The following KIAA0825 variants were observed in gnomAD, a reference collection of about 807,000 sequenced individuals.
KIAA0825 encodes the protein uncharacterized protein KIAA0825.
A neutral mutation model predicts 147.6 loss-of-function variants in KIAA0825; 119 were observed. That is an observed-to-expected ratio of 0.81 (90% CI 0.69 to 0.94). The LOEUF is 0.94. KIAA0825 is among the 40% of genes least tolerant of loss of function. KIAA0825 has a pLI of 0.00. For synonymous variants in KIAA0825, 470 were observed against 518.1 expected (o/e 0.91, Z 1.26); for missense variants, 1,381 against 1,472.7 (o/e 0.94, Z 1.02).
Position 94,384,447 on chromosome 5 carries a change from A to G in KIAA0825, c.3631T>C (p.Trp1211Arg). 1 of 1,551,534 alleles carries G rather than the reference A, an allele frequency of 6.4e-7. No homozygotes were observed. The highest frequency in any genetic ancestry group is 8.7e-7 in the Non-Finnish European group (1 of 1,146,664). Reference sequence around the variant, plus strand: ...AGCAACTTTGCCCAATTCCAGTTCCATTTTGTGATGGCTGACTGTTGATAA... The same window carrying G: ...AGCAACTTTGCCCAATTCCAGTTCCGTTTTGTGATGGCTGACTGTTGATAA... ...NMLDQVSITK[W>R]NWNWAKLLPN... The change falls in exon 20 of 21, where the codon TGG becomes CGG. Residue 1211 changes from tryptophan (W) to arginine (R), a missense_variant. By Grantham distance (101) the Trp-to-Arg change is moderately radical (BLOSUM62 -3). Transcript: ENST00000682413.
intron 20 of KIAA0825, among the ~76,000 whole-genome samples, chr5:94,244,113 C>T (rs1006647170): frequency 6.6e-6 from 1 of 152,162 alleles, no homozygotes; most frequent in Admixed American, 6.6e-5. Flanking sequence ...TTTAACCTAA[C>T]CATATGAAGA....
intron 20 of KIAA0825, among the ~76,000 whole-genome samples, chr5:94,244,871 A>G (rs565196529): frequency 2.6e-5 from 4 of 152,310 alleles, no homozygotes; most frequent in South Asian, 2.1e-4. Context: ...TGATTACTCT[A>G]TAGTTTTACA....
At chr5:94,569,060 G>T in intron 2 of KIAA0825, 1 of 169,982 alleles carries the variant, frequency 5.9e-6, no homozygotes, top group South Asian at 1.8e-4. Flanking sequence ...GGATCCTCCC[G>T]AATCAATGCT....
chr5:94,264,260 CT>C (rs1207009409), intron 20 of KIAA0825, among the ~76,000 whole-genome samples: 1 of 152,164 alleles, frequency 6.6e-6, no homozygotes, highest in African/African-American at 2.4e-5. Context: ...CGGTTAGGAT[CT>C]TTACTACTAT....
At chr5:94,290,650 G>C (rs1777848846) in intron 20 of KIAA0825, among the ~76,000 whole-genome samples, 1 of 152,152 alleles carries the variant, frequency 6.6e-6, no homozygotes, top group Admixed American at 6.5e-5. Context: ...TATATACCCA[G>C]TAATGGAATT....
intron 20 of KIAA0825, among the ~76,000 whole-genome samples, chr5:94,307,484 G>A (rs1364624099): frequency 1.3e-5 from 2 of 151,738 alleles, no homozygotes; most frequent in Non-Finnish European, 2.9e-5. Flanking sequence ...TGGAATATAA[G>A]GCCCACTGTG....
chr5:94,512,899 A>C (rs1191888491), intron 5 of KIAA0825, among the ~76,000 whole-genome samples: 2 of 152,060 alleles, frequency 1.3e-5, no homozygotes, highest in African/African-American at 4.8e-5. Context: ...CCATCTTATA[A>C]ATAAATAAAT....
At chr5:94,216,574 C>T (rs766552872) in intron 20 of KIAA0825, among the ~76,000 whole-genome samples, 4 of 152,120 alleles carry the variant, frequency 2.6e-5, no homozygotes, top group Admixed American at 1.3e-4. Flanking sequence ...CCAGGGCTCC[C>T]GTTCATACTA....
At chr5:94,614,889 C>A (rs1488574528) in intron 1 of KIAA0825, among the ~76,000 whole-genome samples, 1 of 152,050 alleles carries the variant, frequency 6.6e-6, no homozygotes, top group Non-Finnish European at 1.5e-5. Flanking sequence ...TTTATCCTTG[C>A]AAGACTGAGC....
intron 15 of KIAA0825, 127 bp from the exon 16 acceptor site, chr5:94,403,920 A>G (rs1033074919): frequency 4.3e-6 from 3 of 702,804 alleles, no homozygotes; most frequent in Non-Finnish European, 4.6e-6. Context: ...CTCTTAACCA[A>G]GAAATCATAT....
At chr5:94,356,666 C>T (rs1329752127) in intron 20 of KIAA0825, among the ~76,000 whole-genome samples, 5 of 149,576 alleles carry the variant, frequency 3.3e-5, no homozygotes, top group Non-Finnish European at 7.4e-5. Context: ...TTGAAAATTT[C>T]ATTTTGTCAT....
intron 20 of KIAA0825, among the ~76,000 whole-genome samples, chr5:94,342,243 C>T (rs1199153880): frequency 1.3e-5 from 2 of 151,126 alleles, no homozygotes; most frequent in Non-Finnish European, 2.9e-5. Flanking sequence ...AATTGTCTCA[C>T]TAAAAAAAAT....
chr5:94,590,174 T>C (rs1487167306), intron 1 of KIAA0825, among the ~76,000 whole-genome samples: 1 of 152,080 alleles, frequency 6.6e-6, no homozygotes, highest in East Asian at 1.9e-4. Context: ...TTTGCATTTT[T>C]AGTAGAGATG....
intron 14 of KIAA0825, among the ~76,000 whole-genome samples, chr5:94,432,148 A>T (rs937779764): frequency 6.6e-6 from 1 of 152,176 alleles, no homozygotes; most frequent in African/African-American, 2.4e-5. Flanking sequence ...CACATACTCA[A>T]ATTCTTTTGC....
Position 94,606,483 on chromosome 5 carries a change from C to T in KIAA0825, c.-153+12017G>A, listed in dbSNP as rs188850034. Among the ~76,000 whole-genome samples, 16 of 152,192 alleles carry T rather than the reference C, an allele frequency of 1.1e-4. No individual in the cohort carries two copies. In the East Asian group the frequency reaches 2.5e-3, roughly 24 times the overall value. ...AACAGAAACAACAAAGCTGGAGGAA[C>T]GGTGTTACCTAACTTCAAACTACAC... On this transcript the variant is annotated intron_variant, in intron 1 of 20. Coordinates refer to ENST00000682413, the MANE Select transcript of KIAA0825 (RefSeq NM_001145678.3).
intron 3 of KIAA0825, among the ~76,000 whole-genome samples, chr5:94,529,244 A>T (rs1024977924): frequency 2.4e-5 from 3 of 123,250 alleles, no homozygotes; most frequent in Non-Finnish European, 4.9e-5. Flanking sequence ...ATGTATATAT[A>T]CATATATATG....
chr5:94,560,041 A>G (rs945556572), intron 2 of KIAA0825, among the ~76,000 whole-genome samples: 6 of 151,882 alleles, frequency 4.0e-5, no homozygotes, highest in South Asian at 2.1e-4. Context: ...AACATTTACC[A>G]TTTTTTCTCT....
chr5:94,321,525 G>A (rs1210459284), intron 20 of KIAA0825, among the ~76,000 whole-genome samples: 1 of 152,004 alleles, frequency 6.6e-6, no homozygotes, highest in Non-Finnish European at 1.5e-5. Context: ...GAAGATGGTA[G>A]AGCTGAGATA....
intron 20 of KIAA0825, among the ~76,000 whole-genome samples, chr5:94,218,487 G>C (rs1482180775): frequency 1.3e-5 from 2 of 152,192 alleles, no homozygotes; most frequent in African/African-American, 4.8e-5. Context: ...TAAGTGATGT[G>C]AGGGCAAAGA....
Sources: gnomAD v4.1 joint callset for allele counts (sites outside exome capture counted in the v4.1 genomes callset) on GRCh38, gnomAD v4.1.1 for gene constraint, MANE v1.5 for transcripts, NCBI Gene and HGNC (gene_info 2026-07-23, HGNC 2026-07-21) for gene names.